Variants in CDKAL1 observed in about 807,000 individuals in gnomAD.
CDKAL1 encodes threonylcarbamoyladenosine tRNA methylthiotransferase.
In CDKAL1, 32 loss-of-function variants were observed where a neutral mutation model predicts 68.2. The ratio of observed to expected loss-of-function variants is 0.47; its 90% CI spans 0.35 to 0.63. CDKAL1 has a LOEUF of 0.63. Among genes scored for constraint, CDKAL1 ranks in the 30% least tolerant of loss-of-function variants. The probability of loss-of-function intolerance (pLI) is 0.00; values close to 1 mark genes in which losing one functional copy is unlikely to be tolerated. For missense variants in CDKAL1, 606 were observed against 696.7 expected, an observed-to-expected ratio of 0.87 and a Z score of 1.47; for synonymous variants, 234 against 244.3, an observed-to-expected ratio of 0.96 and a Z score of 0.39.
chr6:20,718,503 T>C (rs1457690648), intron 5 of CDKAL1, among the ~76,000 whole-genome samples: 1 of 152,188 alleles, frequency 6.6e-6, no homozygotes, highest in African/African-American at 2.4e-5. Flanking sequence ...AGGGTTTTGA[T>C]ATATGGAGTT....
intron 5 of CDKAL1, among the ~76,000 whole-genome samples, chr6:20,716,354 C>T (rs1372572890): frequency 6.6e-6 from 1 of 152,068 alleles, no homozygotes; most frequent in South Asian, 2.1e-4. Flanking sequence ...GACTTGAATG[C>T]TGTGGCAGAG....
At chr6:20,846,903 C>A (rs944348232) in intron 9 of CDKAL1, among the ~76,000 whole-genome samples, 1 of 152,178 alleles carries the variant, frequency 6.6e-6, no homozygotes. Flanking sequence ...TGTGTTTTTA[C>A]TCCCAACATG....
intron 8 of CDKAL1, among the ~76,000 whole-genome samples, chr6:20,803,456 G>A (rs6925153): frequency 0.4 from 61,202 of 152,020 alleles, 12,589 homozygotes; most frequent in Non-Finnish European, 0.44. Context: ...TCTCAAGGAA[G>A]AGTTGTTAAT....
intron 4 of CDKAL1, among the ~76,000 whole-genome samples, chr6:20,574,024 T>C (rs560875836): frequency 6.6e-6 from 1 of 152,324 alleles, no homozygotes; most frequent in South Asian, 2.1e-4. Flanking sequence ...GTTAGTATTA[T>C]GGTGTCACTA....
intron 4 of CDKAL1, among the ~76,000 whole-genome samples, chr6:20,577,868 G>T (rs1463495281): frequency 1.3e-5 from 2 of 152,122 alleles, no homozygotes; most frequent in Admixed American, 6.6e-5. Flanking sequence ...TTAGTATCAT[G>T]GTATAAGCAG....
At chr6:20,968,656 T>C (rs1321027878) in intron 10 of CDKAL1, among the ~76,000 whole-genome samples, 1 of 152,030 alleles carries the variant, frequency 6.6e-6, no homozygotes, top group Non-Finnish European at 1.5e-5. Flanking sequence ...GTTTGCTGAT[T>C]GTTTCTTCTG....
At chr6:21,038,284 C>T (rs1289519283) in intron 11 of CDKAL1, among the ~76,000 whole-genome samples, 1 of 152,046 alleles carries the variant, frequency 6.6e-6, no homozygotes, top group African/African-American at 2.4e-5. Context: ...TGTGTGGAGG[C>T]CAGTAGGCTA....
At chr6:20,553,734 C>T (rs967696843) in intron 4 of CDKAL1, among the ~76,000 whole-genome samples, 2 of 152,176 alleles carry the variant, frequency 1.3e-5, no homozygotes, top group South Asian at 2.1e-4. Context: ...CCTCGGCCTC[C>T]GGAGTAGCTG....
chr6:20,557,162 AT>A (rs1175289720), intron 4 of CDKAL1, among the ~76,000 whole-genome samples: 4 of 152,012 alleles, frequency 2.6e-5, no homozygotes, highest in African/African-American at 9.6e-5. Context: ...TGTGTAAGTA[AT>A]AAGTATTTAC....
chr6:20,668,317 TA>T (rs552972320), intron 5 of CDKAL1, among the ~76,000 whole-genome samples: 200 of 152,026 alleles, frequency 1.3e-3, no homozygotes, highest in African/African-American at 4.7e-3. Context: ...AATGTTTTTT[TA>T]AGTATTTATT....
At chr6:21,208,570 A>AC (rs965380526) in intron 15 of CDKAL1, among the ~76,000 whole-genome samples, 1 of 150,986 alleles carries the variant, frequency 6.6e-6, no homozygotes, top group Non-Finnish European at 1.5e-5. Flanking sequence ...TTTTCCTTCC[A>AC]CCCCCAAGAT....
intron 9 of CDKAL1, among the ~76,000 whole-genome samples, chr6:20,884,481 A>C (rs1760974691): frequency 1.3e-5 from 2 of 152,220 alleles, no homozygotes; most frequent in Non-Finnish European, 2.9e-5. Flanking sequence ...ATTGCTATTC[A>C]ACGTTGTACT....
intron 15 of CDKAL1, among the ~76,000 whole-genome samples, chr6:21,207,961 T>C (rs1479779761): frequency 6.6e-6 from 1 of 151,948 alleles, no homozygotes; most frequent in Non-Finnish European, 1.5e-5. Context: ...CCAATAATAC[T>C]ACTACAGCGT....
At chr6:20,547,252 A>G (rs919336356) in intron 3 of CDKAL1, among the ~76,000 whole-genome samples, 1 of 152,196 alleles carries the variant, frequency 6.6e-6, no homozygotes, top group Non-Finnish European at 1.5e-5. Context: ...TTAAAAAGAA[A>G]TGAGATGTCA....
intron 11 of CDKAL1, among the ~76,000 whole-genome samples, chr6:21,062,443 A>C (rs1771193217): frequency 6.6e-6 from 1 of 152,208 alleles, no homozygotes; most frequent in African/African-American, 2.4e-5. Context: ...CTTACATGTA[A>C]AATCATATGA....
intron 12 of CDKAL1, among the ~76,000 whole-genome samples, chr6:21,074,607 A>AAGGC (rs1413217455): frequency 6.6e-6 from 1 of 152,146 alleles, no homozygotes; most frequent in Admixed American, 6.5e-5. Flanking sequence ...GTGAAACTTG[A>AAGGC]GAGATCTGCA....
intron 13 of CDKAL1, among the ~76,000 whole-genome samples, chr6:21,177,686 A>G (rs1385249915): frequency 2.6e-5 from 4 of 151,566 alleles, no homozygotes; most frequent in Non-Finnish European, 5.9e-5. Context: ...TTTCAGTAGC[A>G]AAGAGATATA....
intron 13 of CDKAL1, among the ~76,000 whole-genome samples, chr6:21,141,567 T>A (rs1442136447): frequency 6.6e-6 from 1 of 152,258 alleles, no homozygotes; most frequent in Non-Finnish European, 1.5e-5. Context: ...TCCATGACAT[T>A]GTCAGGCAGG....
intron 8 of CDKAL1, among the ~76,000 whole-genome samples, chr6:20,806,433 C>T (rs1488554492): frequency 1.1e-4 from 17 of 152,140 alleles, no homozygotes; most frequent in Non-Finnish European, 2.5e-4. Context: ...TAGTGCTGCG[C>T]TGAACATACA....
Sources: allele counts gnomAD v4.1 joint callset (sites outside exome capture counted in the v4.1 genomes callset), GRCh38; gene constraint gnomAD v4.1.1; transcripts MANE v1.5; gene names NCBI Gene and HGNC (gene_info 2026-07-23, HGNC 2026-07-21).